The following FCHSD2 variants were observed in gnomAD, a reference collection of about 807,000 sequenced individuals.
The protein encoded by FCHSD2 is FCH and double SH3 domains 2, also known as F-BAR and double SH3 domains protein 2.
A neutral mutation model predicts 108.1 loss-of-function variants in FCHSD2; 38 were observed. That is an observed-to-expected ratio of 0.35 (90% CI 0.27 to 0.46). The LOEUF (loss-of-function observed/expected upper bound fraction) is 0.46. Among genes scored for constraint, FCHSD2 ranks in the 20% least tolerant of loss-of-function variants. The pLI is 1.00. For missense variants in FCHSD2, 751 were observed against 897.8 expected, an observed-to-expected ratio of 0.84 and a Z score of 2.09; for synonymous variants, 279 against 314.7, an observed-to-expected ratio of 0.89 and a Z score of 1.20.
At chr11:72,879,269 G>C (rs1300274535) in intron 12 of FCHSD2, among the ~76,000 whole-genome samples, 1 of 152,152 alleles carries the variant, frequency 6.6e-6, no homozygotes, top group Non-Finnish European at 1.5e-5. Context: ...GCTTCGAAAT[G>C]ATCAAACTGA....
chr11:72,845,384 G>A (rs1253726196), intron 14 of FCHSD2, among the ~76,000 whole-genome samples: 3 of 143,950 alleles, frequency 2.1e-5, no homozygotes, highest in Non-Finnish European at 4.5e-5. Context: ...GTTGCAGTGA[G>A]CCGAGATCAC....
chr11:72,868,559 C>T (rs1348402066), intron 12 of FCHSD2, among the ~76,000 whole-genome samples: 1 of 152,092 alleles, frequency 6.6e-6, no homozygotes, highest in Non-Finnish European at 1.5e-5. Context: ...GGCATGGTAT[C>T]ATGGGCCTGT....
chr11:73,070,705 C>T (rs951289636), intron 3 of FCHSD2, among the ~76,000 whole-genome samples: 3 of 150,946 alleles, frequency 2.0e-5, no homozygotes, highest in Non-Finnish European at 4.4e-5. Context: ...GTATTACAGG[C>T]GTGAGCCACC....
intron 10 of FCHSD2, among the ~76,000 whole-genome samples, chr11:72,894,926 T>C (rs1004661166): frequency 6.6e-6 from 1 of 152,208 alleles, no homozygotes; most frequent in Non-Finnish European, 1.5e-5. Context: ...ATGTATGGTA[T>C]ATGGGTCACT....
At chr11:72,930,161 T>C (rs527402881) in intron 8 of FCHSD2, among the ~76,000 whole-genome samples, 39 of 152,308 alleles carry the variant, frequency 2.6e-4, no homozygotes, top group Non-Finnish European at 4.4e-4. Flanking sequence ...ACTTAGGGCA[T>C]ATAATGTTGC....
At chr11:73,027,059 C>T (rs1414030636) in intron 3 of FCHSD2, among the ~76,000 whole-genome samples, 1 of 151,934 alleles carries the variant, frequency 6.6e-6, no homozygotes, top group East Asian at 1.9e-4. Flanking sequence ...AGAGACATGG[C>T]GTATTTCTAT....
chr11:72,840,784 G>C (rs2135148775), intron 19 of FCHSD2, 93 bp downstream of exon 19: 1 of 916,738 alleles, frequency 1.1e-6, no homozygotes, highest in Non-Finnish European at 1.7e-6. Context: ...GGCATAGTCA[G>C]TAACAACACA....
chr11:72,894,670 C>A (rs1284281099), intron 10 of FCHSD2, among the ~76,000 whole-genome samples: 4 of 152,086 alleles, frequency 2.6e-5, no homozygotes, highest in Non-Finnish European at 5.9e-5. Context: ...TCCAACTACA[C>A]GTTTGTACAG....
At chr11:73,067,491 AAG>A (rs1261995895) in intron 3 of FCHSD2, among the ~76,000 whole-genome samples, 1 of 152,134 alleles carries the variant, frequency 6.6e-6, no homozygotes, top group Non-Finnish European at 1.5e-5. Context: ...AAAAAAAAGA[AAG>A]AAAGAAAATA....
chr11:73,096,150 G>C (rs949288213), intron 2 of FCHSD2, among the ~76,000 whole-genome samples: 2 of 151,860 alleles, frequency 1.3e-5, no homozygotes, highest in Admixed American at 1.3e-4. Context: ...GGAAAAACAT[G>C]GTAGCAGAAG....
At chr11:72,961,608 ATGAATC>A (rs1182620023) in intron 8 of FCHSD2, among the ~76,000 whole-genome samples, 1 of 152,178 alleles carries the variant, frequency 6.6e-6, no homozygotes, top group African/African-American at 2.4e-5. Flanking sequence ...CTTTTGAGAA[ATGAATC>A]TAAAGTGACT....
At chr11:73,065,301 A>C (rs7946019) in intron 3 of FCHSD2, among the ~76,000 whole-genome samples, 7,420 of 152,244 alleles carry the variant, frequency 0.049, 486 homozygotes, top group African/African-American at 0.15. Flanking sequence ...TGACAAAATT[A>C]AACAGCGCTT....
At position 72,889,574 on chromosome 11, in the gene FCHSD2, A is replaced by G. The variant is rs538299952; in HGVS notation, c.1041+255T>C. ...AAAATCTAAAAAAATTTAGCCAGGCATAGTGGCATGTGCCTGTGGTCCCAG... is the reference window on the plus strand; with the variant it reads ...AAAATCTAAAAAAATTTAGCCAGGCGTAGTGGCATGTGCCTGTGGTCCCAG... On this transcript the variant is annotated intron_variant, in intron 11 of 19. Transcript: ENST00000409418. Among the ~76,000 whole-genome samples the G allele has an allele frequency of 1.8e-4, 28 of 152,312 alleles. No individual in the cohort carries two copies. In the Middle Eastern group the frequency reaches 0.01, roughly 56 times the overall value.
intron 3 of FCHSD2, among the ~76,000 whole-genome samples, chr11:73,022,990 AAAC>A (rs1858143942): frequency 6.6e-6 from 1 of 152,226 alleles, no homozygotes; most frequent in Non-Finnish European, 1.5e-5. Flanking sequence ...GAATGACCAT[AAAC>A]AACAACAAAA....
Position 72,842,706 on chromosome 11 carries a change from C to T in FCHSD2, c.1841G>A (p.Gly614Glu). The T allele has an allele frequency of 6.2e-7, 1 of 1,614,008 alleles. No homozygotes were observed. The highest frequency in any genetic ancestry group is 8.5e-7 in the Non-Finnish European group (1 of 1,179,896). ...DDGFWEGEFN[G>E]RIGVFPSVLV... Reference sequence around the variant, plus strand: ...CACCGATGGGAAAACTCCAATACGCCCATTGAATTCCCCTTCCCAGAAGCC... The same window carrying T: ...CACCGATGGGAAAACTCCAATACGCTCATTGAATTCCCCTTCCCAGAAGCC... Residue 614 changes from glycine (G) to glutamate (E), a missense_variant, in exon 17 of 20, where the codon GGG (glycine) becomes GAG (glutamate). Gly to Glu is a moderately conservative substitution (Grantham distance 98). Transcript: ENST00000409418.
chr11:72,895,645 C>A (rs1209004851), intron 10 of FCHSD2, among the ~76,000 whole-genome samples: 1 of 152,138 alleles, frequency 6.6e-6, no homozygotes. Flanking sequence ...GTGACTAAAC[C>A]AGTAGAGGGC....
At chr11:72,875,360 A>G (rs1854946752) in intron 12 of FCHSD2, among the ~76,000 whole-genome samples, 1 of 152,208 alleles carries the variant, frequency 6.6e-6, no homozygotes, top group African/African-American at 2.4e-5. Context: ...CTATCTATCT[A>G]TCTAGCTAGC....
chr11:73,113,219 T>C (rs1565096495), intron 2 of FCHSD2, among the ~76,000 whole-genome samples: 1 of 152,106 alleles, frequency 6.6e-6, no homozygotes, highest in Admixed American at 6.5e-5. Context: ...CTTCTCTGTG[T>C]TATCTCGAAT....
At chr11:73,140,830 G>A (rs1399444597) in intron 1 of FCHSD2, among the ~76,000 whole-genome samples, 2 of 152,228 alleles carry the variant, frequency 1.3e-5, no homozygotes, top group East Asian at 1.9e-4. Context: ...GCCAGGCCGG[G>A]GCCCCAGGGT....
Sources: allele counts gnomAD v4.1 joint callset (sites outside exome capture counted in the v4.1 genomes callset), GRCh38; gene constraint gnomAD v4.1.1; transcripts MANE v1.5; gene names NCBI Gene and HGNC (gene_info 2026-07-23, HGNC 2026-07-21).